The following VIPR2 variants were observed in gnomAD, a reference collection of about 807,000 sequenced individuals.
VIPR2 encodes the protein vasoactive intestinal peptide receptor 2, also known as vasoactive intestinal polypeptide receptor 2.
Under a neutral mutation model 58.0 loss-of-function variants are expected in VIPR2, and 48 were observed. The ratio of observed to expected loss-of-function variants is 0.83; its 90% confidence interval spans 0.66 to 1.05. VIPR2 has a LOEUF of 1.05. VIPR2 is among the 50% of genes least tolerant of loss of function. The probability of loss-of-function intolerance (pLI) is 0.00; values close to 1 mark genes in which losing one functional copy is unlikely to be tolerated. For synonymous variants in VIPR2, 243 were observed against 235.2 expected (o/e 1.03, Z -0.30); for missense variants, 534 against 558.0 (o/e 0.96, Z 0.43).
At chr7:159,132,024 C>T (rs1275293905) in intron 2 of VIPR2, among the ~76,000 whole-genome samples, 3 of 152,156 alleles carry the variant, frequency 2.0e-5, no homozygotes, top group African/African-American at 7.2e-5. Context: ...GTAACCAAGC[C>T]AACATTCTTT....
chr7:159,091,533 C>T (rs938173977), intron 4 of VIPR2, among the ~76,000 whole-genome samples: 2 of 152,246 alleles, frequency 1.3e-5, no homozygotes, highest in African/African-American at 4.8e-5. Flanking sequence ...ACAACTGCAG[C>T]CCTCCTTGCC....
intron 4 of VIPR2, 21 bp from the exon 5 acceptor site, chr7:159,058,599 T>C: frequency 6.4e-7 from 1 of 1,553,252 alleles, no homozygotes; most frequent in Non-Finnish European, 8.9e-7. Flanking sequence ...AGAAAACAGA[T>C]CTGTAAGCTG....
At position 159,030,549 on chromosome 7, in the gene VIPR2, G is replaced by T. The variant is rs1004085332; in HGVS notation, c.*67C>A. The stretch of plus-strand genomic sequence containing the variant: ...CTCGGGCATCTGGAAGGAGGAAGCC[G>T]GCGTCTCAGCCCCGCAGAAGCCCCG... On this transcript the variant is annotated 3_prime_UTR_variant, in exon 13 of 13. Coordinates refer to ENST00000262178, the MANE Select transcript of VIPR2 (RefSeq NM_003382.5). 6.2e-6 allele frequency: 9 copies of T among 1,456,576 alleles called. No individual in the cohort carries two copies. The Admixed American group carries it at 2.3e-4, about 37-fold the overall frequency. 90.2% of individuals were successfully genotyped at this position (1,456,576 alleles called of 1,614,324 possible).
intron 4 of VIPR2, among the ~76,000 whole-genome samples, chr7:159,070,634 C>T (rs952083864): frequency 6.6e-6 from 1 of 152,078 alleles, no homozygotes; most frequent in African/African-American, 2.4e-5. Flanking sequence ...CTGTACTTCA[C>T]CACAGGAAGT....
At chr7:159,105,199 C>G (rs1238467374) in intron 3 of VIPR2, among the ~76,000 whole-genome samples, 1 of 152,134 alleles carries the variant, frequency 6.6e-6, no homozygotes, top group Non-Finnish European at 1.5e-5. Flanking sequence ...AGGCACTGAA[C>G]GCCGTGCCAG....
intron 4 of VIPR2, among the ~76,000 whole-genome samples, chr7:159,083,855 G>A (rs1857036048): frequency 6.6e-6 from 1 of 152,236 alleles, no homozygotes; most frequent in South Asian, 2.1e-4. Flanking sequence ...CAAGCTTTGG[G>A]CTAGGCCAGG....
intron 3 of VIPR2, among the ~76,000 whole-genome samples, chr7:159,106,724 C>A (rs1375758608): frequency 1.1e-5 from 1 of 87,782 alleles, no homozygotes; most frequent in Admixed American, 1.3e-4. Context: ...CAGGGAAGGG[C>A]AGAGAGAGGC....
chr7:159,049,799 G>A (rs1252541721), intron 5 of VIPR2, among the ~76,000 whole-genome samples: 5 of 152,148 alleles, frequency 3.3e-5, no homozygotes, highest in South Asian at 2.1e-4. Flanking sequence ...GGGGAGTCCC[G>A]AATAGCTGTG....
At chr7:159,061,608 ACAC>A (rs1316851645) in intron 4 of VIPR2, among the ~76,000 whole-genome samples, 1 of 152,050 alleles carries the variant, frequency 6.6e-6, no homozygotes, top group Admixed American at 6.6e-5. Context: ...AGCTGTGATC[ACAC>A]CACTGCTCTC....
Position 159,042,964 on chromosome 7 carries a change from C to T in VIPR2, c.597+71G>A, listed in dbSNP as rs529113756. 10 of 1,560,000 alleles carry T rather than the reference C, an allele frequency of 6.4e-6. No homozygotes were observed. The East Asian group carries it at 2.3e-4, about 36-fold the overall frequency. Reference sequence around the variant, plus strand: ...GAACCCTGCACCAGCACAGAGACGTCCTCATCGTGAGAAGAGGGAACAGAG... The same window carrying T: ...GAACCCTGCACCAGCACAGAGACGTTCTCATCGTGAGAAGAGGGAACAGAG... On this transcript the variant is annotated intron_variant, in intron 6 of 12. Coordinates refer to ENST00000262178, the MANE Select transcript of VIPR2 (RefSeq NM_003382.5).
intron 2 of VIPR2, among the ~76,000 whole-genome samples, chr7:159,112,650 G>A (rs1796065150): frequency 6.9e-6 from 1 of 145,512 alleles, no homozygotes; most frequent in South Asian, 2.1e-4. Context: ...GACGGGACCC[G>A]GCCGAGAGCC....
Position 159,029,552 on chromosome 7 carries a change from A to G in VIPR2, c.*1064T>C, listed in dbSNP as rs1044332594. On this transcript the variant is annotated 3_prime_UTR_variant, in exon 13 of 13. Coordinates refer to ENST00000262178, the MANE Select transcript of VIPR2 (RefSeq NM_003382.5). Reference sequence around the variant, plus strand: ...AAAAGAGAATAGGTTTCCGGTTCCCACTCAGCTGTATCCCGCACCCCACGT... The same window carrying G: ...AAAAGAGAATAGGTTTCCGGTTCCCGCTCAGCTGTATCCCGCACCCCACGT... The G allele has an allele frequency of 6.6e-6, 1 of 152,212 alleles. No individual in the cohort carries two copies. Among genetic ancestry groups the G allele is most frequent in the African/African-American group, 2.4e-5 (1 of 41,448 alleles). 9.4% of individuals were successfully genotyped at this position (152,212 alleles called of 1,614,324 possible).
chr7:159,122,370 CA>C (rs1269820267), intron 2 of VIPR2, among the ~76,000 whole-genome samples: 2 of 152,196 alleles, frequency 1.3e-5, no homozygotes, highest in Non-Finnish European at 2.9e-5. Flanking sequence ...GACGAGGCTC[CA>C]GGGGCAAGTG....
chr7:159,090,392 A>C (rs372015208), intron 4 of VIPR2, among the ~76,000 whole-genome samples: 28 of 50,470 alleles, frequency 5.5e-4, no homozygotes, highest in African/African-American at 1.8e-3. Context: ...ATCCCCGGTG[A>C]CCTCAGCAGA....
At chr7:159,120,348 T>A (rs1057408257) in intron 2 of VIPR2, among the ~76,000 whole-genome samples, 37 of 152,010 alleles carry the variant, frequency 2.4e-4, no homozygotes, top group African/African-American at 7.7e-4. Context: ...GGCCGGATGG[T>A]CCCCCTTGGA....
chr7:159,140,711 C>G (rs1178861319), intron 2 of VIPR2, among the ~76,000 whole-genome samples: 1 of 152,248 alleles, frequency 6.6e-6, no homozygotes, highest in Non-Finnish European at 1.5e-5. Context: ...TATGAACCCG[C>G]TCAAGCTGGC....
At position 159,128,998 on chromosome 7, in the gene VIPR2, C is replaced by T. The variant is rs1007384831; in HGVS notation, c.151+13448G>A. 6.6e-6 allele frequency among the ~76,000 whole-genome samples: 1 copy of T among 152,258 alleles called. No individual in the cohort carries two copies. The highest frequency in any genetic ancestry group is 2.4e-5 in the African/African-American group (1 of 41,470). ...ACCCCCTCCCTCCTGTGAGCTCCCA[C>T]AGCACATTTTGGTGCCAGGAGACGT... On this transcript the variant is annotated intron_variant, in intron 2 of 12. Transcript: ENST00000262178. The surrounding 1 kb of genome is among the most constrained non-coding windows in gnomAD (Gnocchi z 4.1).
At chr7:159,030,834 G>T in intron 12 of VIPR2, 45 bp from the exon 13 acceptor site, 3 of 1,468,026 alleles carry the variant, frequency 2.0e-6, no homozygotes, top group Admixed American at 2.4e-5. Context: ...CTGGGCAGGT[G>T]CGGGCGGCTG....
chr7:159,081,349 C>T (rs1247198070), intron 4 of VIPR2, among the ~76,000 whole-genome samples: 1 of 152,136 alleles, frequency 6.6e-6, no homozygotes, highest in Non-Finnish European at 1.5e-5. Flanking sequence ...ACAAACCTGA[C>T]AAAAACAAGC....
Sources: allele counts gnomAD v4.1 joint callset (sites outside exome capture counted in the v4.1 genomes callset), GRCh38; gene constraint gnomAD v4.1.1; non-coding constraint Gnocchi (gnomAD v3.1); transcripts MANE v1.5; gene names NCBI Gene and HGNC (gene_info 2026-07-23, HGNC 2026-07-21).